Variants in MGLL observed in about 807,000 individuals in gnomAD.
MGLL encodes the protein lysophospholipase homolog.
A neutral mutation model predicts 29.1 loss-of-function variants in MGLL; 7 were observed. That is an observed-to-expected ratio of 0.24 (90% CI 0.14 to 0.45). The LOEUF (loss-of-function observed/expected upper bound fraction) is 0.45. Ranked by LOEUF, MGLL falls within the 20% of genes least tolerant of loss-of-function variation. The pLI is 0.99. For synonymous variants in MGLL, 148 were observed against 168.3 expected (o/e 0.88, Z 0.93); for missense variants, 356 against 413.6 (o/e 0.86, Z 1.21).
At chr3:127,706,208 T>C (rs2075599230) in intron 6 of MGLL, among the ~76,000 whole-genome samples, 1 of 152,208 alleles carries the variant, frequency 6.6e-6, no homozygotes, top group Non-Finnish European at 1.5e-5. Context: ...GCCCAGGCTA[T>C]GTTCCCACGG....
chr3:127,821,886 A>G, intron 1 of MGLL, 48 bp from the exon 2 acceptor site: 1 of 1,586,068 alleles, frequency 6.3e-7, no homozygotes. Context: ...TCTCAAGAAC[A>G]TGTATGGATA....
chr3:127,762,253 G>C (rs191714062), intron 3 of MGLL, among the ~76,000 whole-genome samples: 1 of 151,916 alleles, frequency 6.6e-6, no homozygotes, highest in East Asian at 1.9e-4. Flanking sequence ...TGAGCTCTCC[G>C]CGTCCTCCCC....
chr3:127,769,350 C>CA (rs1251683306), intron 3 of MGLL, among the ~76,000 whole-genome samples: 80 of 41,872 alleles, frequency 1.9e-3, no homozygotes, highest in African/African-American at 2.6e-3. Context: ...GACTCTATCT[C>CA]AAAAAAAAAG....
intron 6 of MGLL, among the ~76,000 whole-genome samples, chr3:127,708,392 AC>A (rs1422450619): frequency 3.3e-5 from 5 of 152,286 alleles, no homozygotes; most frequent in Admixed American, 3.3e-4. Flanking sequence ...GCAGCCAGAA[AC>A]CCGAGGCAGG....
chr3:127,732,237 T>A (rs1401862674), intron 3 of MGLL, among the ~76,000 whole-genome samples: 1 of 152,240 alleles, frequency 6.6e-6, no homozygotes, highest in African/African-American at 2.4e-5. Flanking sequence ...ACTTGGTATT[T>A]GTGTGAGAGT....
intron 2 of MGLL, among the ~76,000 whole-genome samples, chr3:127,782,539 C>G (rs2077145521): frequency 6.6e-6 from 1 of 152,186 alleles, no homozygotes; most frequent in African/African-American, 2.4e-5. Flanking sequence ...ATGGCCCAGG[C>G]AGAGTGCTGG....
chr3:127,801,159 AG>A (rs1213024013), intron 2 of MGLL, among the ~76,000 whole-genome samples: 1 of 151,814 alleles, frequency 6.6e-6, no homozygotes, highest in Non-Finnish European at 1.5e-5. Flanking sequence ...AAAACTAGCC[AG>A]GCCTGATGGC....
chr3:127,701,468 C>T (rs1292681110), intron 6 of MGLL, among the ~76,000 whole-genome samples: 1 of 152,190 alleles, frequency 6.6e-6, no homozygotes, highest in African/African-American at 2.4e-5. Flanking sequence ...CCATTTCAGA[C>T]TCACAGATCT....
chr3:127,767,050 G>T (rs938368301), intron 3 of MGLL, among the ~76,000 whole-genome samples: 1 of 150,174 alleles, frequency 6.7e-6, no homozygotes, highest in Non-Finnish European at 1.5e-5. Flanking sequence ...TCCAGCCCGA[G>T]TGATGGAGTG....
At chr3:127,727,397 A>G (rs115127311) in intron 3 of MGLL, among the ~76,000 whole-genome samples, 1 of 152,108 alleles carries the variant, frequency 6.6e-6, no homozygotes, top group Non-Finnish European at 1.5e-5. Flanking sequence ...AAATGAGTCC[A>G]TATAGATATT....
At chr3:127,753,529 C>T (rs1334489477) in intron 3 of MGLL, among the ~76,000 whole-genome samples, 2 of 152,340 alleles carry the variant, frequency 1.3e-5, no homozygotes, top group African/African-American at 4.8e-5. Flanking sequence ...TTGCTGAGAA[C>T]ACAACATATG....
At chr3:127,752,224 G>C (rs1036608066) in intron 3 of MGLL, among the ~76,000 whole-genome samples, 4 of 151,988 alleles carry the variant, frequency 2.6e-5, no homozygotes, top group African/African-American at 9.7e-5. Context: ...AGCCTCCCAA[G>C]TAGCTGGGAT....
chr3:127,719,532 C>T (rs1402507401), intron 5 of MGLL, among the ~76,000 whole-genome samples: 1 of 152,246 alleles, frequency 6.6e-6, no homozygotes. Flanking sequence ...ACAGTGCATG[C>T]CTGGCATTGG....
intron 6 of MGLL, 104 bp downstream of exon 6, chr3:127,710,472 C>T (rs562889587): frequency 9.4e-7 from 1 of 1,066,364 alleles, no homozygotes; most frequent in South Asian, 1.4e-5. Context: ...TGCACAGGGC[C>T]TCGGTGAAAG....
At chr3:127,762,684 C>T (rs2076786961) in intron 3 of MGLL, among the ~76,000 whole-genome samples, 1 of 152,166 alleles carries the variant, frequency 6.6e-6, no homozygotes, top group Admixed American at 6.5e-5. Flanking sequence ...TCCTTGCAGC[C>T]CACTGCTCTG....
chr3:127,749,705 G>T (rs1340727298), intron 3 of MGLL, among the ~76,000 whole-genome samples: 1 of 152,174 alleles, frequency 6.6e-6, no homozygotes, highest in African/African-American at 2.4e-5. Context: ...TTGTCATGGT[G>T]GGGGTCAGAC....
chr3:127,695,314 G>C, intron 6 of MGLL, 124 bp from the exon 7 acceptor site: 1 of 998,534 alleles, frequency 1.0e-6, no homozygotes, highest in Non-Finnish European at 1.5e-6. Flanking sequence ...AGGTCAGCTG[G>C]GCTTGGGCAT....
chr3:127,791,239 A>C (rs1224705204), intron 2 of MGLL: 1 of 152,206 alleles, frequency 6.6e-6, no homozygotes, highest in Non-Finnish European at 1.5e-5. Flanking sequence ...GAAAGATCAG[A>C]GTCCTAAAGG....
chr3:127,743,572 TAAAAAAAAAAA>T (rs35691902), intron 3 of MGLL, among the ~76,000 whole-genome samples: 3 of 40,698 alleles, frequency 7.4e-5, no homozygotes, highest in African/African-American at 2.4e-4. Context: ...CCACTAATGC[TAAAAAAAAAAA>T]AAAAAAAAAA....
Sources: allele counts gnomAD v4.1 joint callset (sites outside exome capture counted in the v4.1 genomes callset), GRCh38; gene constraint gnomAD v4.1.1; transcripts MANE v1.5; gene names NCBI Gene and HGNC (gene_info 2026-07-23, HGNC 2026-07-21).